The following PADI4 variants were observed in gnomAD, a reference collection of about 807,000 sequenced individuals.
PADI4 encodes peptidyl arginine deiminase 4, also known as protein-arginine deiminase type-4.
PADI4 carries 62 observed loss-of-function variants against 75.0 expected under a neutral mutation model. The ratio of observed to expected loss-of-function variants is 0.83; its 90% CI spans 0.67 to 1.02. PADI4 has a LOEUF of 1.02. PADI4 is among the 50% of genes least tolerant of loss of function. The pLI is 0.00. For missense variants in PADI4, 845 were observed against 850.5 expected (o/e 0.99, Z 0.08); for synonymous variants, 361 against 348.1 (o/e 1.04, Z -0.41).
At position 17,358,913 on chromosome 1, in the gene PADI4, G is replaced by A; in HGVS notation, c.1629+5G>A. 11 of 1,597,378 alleles carry A rather than the reference G, an allele frequency of 6.9e-6. No homozygotes were observed. Among genetic ancestry groups the A allele is most frequent in the Non-Finnish European group, 9.4e-6 (11 of 1,168,554 alleles). ...GAACATAATTCATTTGTGGAGGTAG[G>A]AGCCTGGGTGCCTACACCCCAGCAG... On this transcript the variant is annotated splice_donor_5th_base_variant and intron_variant, in intron 14 of 15. Coordinates refer to ENST00000375448, the MANE Select transcript of PADI4 (RefSeq NM_012387.3).
intron 1 of PADI4, 123 bp from the exon 2 acceptor site, chr1:17,330,846 T>C (rs910172174): frequency 1.6e-6 from 1 of 639,094 alleles, no homozygotes; most frequent in Admixed American, 3.5e-5. Flanking sequence ...ATACTTCGCA[T>C]CTTTCAGTCC....
intron 13 of PADI4, 70 bp from the exon 14 acceptor site, chr1:17,358,768 G>A (rs981956572): frequency 5.2e-5 from 50 of 957,736 alleles, no homozygotes; most frequent in Non-Finnish European, 7.4e-5. Flanking sequence ...GTCCCCCCCC[G>A]GCACTGGCTG....
intron 1 of PADI4, among the ~76,000 whole-genome samples, chr1:17,322,543 A>G (rs976544184): frequency 5.9e-5 from 9 of 152,132 alleles, no homozygotes; most frequent in Non-Finnish European, 1.0e-4. Flanking sequence ...GAAATTCAAC[A>G]GAACTGTTTT....
chr1:17,357,010 T>C (rs2100249697), intron 13 of PADI4, among the ~76,000 whole-genome samples: 1 of 152,148 alleles, frequency 6.6e-6, no homozygotes, highest in Admixed American at 6.5e-5. Context: ...CTGAGTATGT[T>C]GTGTGGCATC....
chr1:17,338,179 G>T (rs79596357), intron 5 of PADI4, 24 bp downstream of exon 5: 3 of 1,472,028 alleles, frequency 2.0e-6, no homozygotes, highest in Admixed American at 1.7e-5. Context: ...GCTAGCTAAC[G>T]GGAAGGGCTT....
rs766375624 is a variant in PADI4, at chr1:17,359,397, T to G, written c.1747T>G (p.Phe583Val). ...LKEFSKAEAF[F>V]PNMVNMLVLG... The stretch of plus-strand genomic sequence containing the variant: ...AGAGTTCTCTAAGGCGGAAGCTTTT[T>G]TCCCCAACATGGTGAGGAGGTGGCG... Residue 583 changes from phenylalanine (F) to valine (V), a missense_variant, in exon 15 of 16, where the codon TTC becomes GTC. Phe to Val is a conservative substitution (Grantham distance 50). Transcript: ENST00000375448. The G allele has an allele frequency of 6.2e-7, 1 of 1,614,062 alleles. No individual in the cohort carries two copies.
Position 17,339,813 on chromosome 1 carries a change from C to G in PADI4, c.652C>G (p.Arg218Gly). Residue 218 changes from arginine (R) to glycine (G), a missense_variant and splice_region_variant, in exon 6 of 16, where the codon CGG becomes GGG. Transcript: ENST00000375448. The part of the protein sequence containing the change: ...MDKVRVFQAT[R>G]GKLSSKCSVV... ...CAAAGTGAGGGTGTTTCAGGCCACA[C>G]GTAAGTCATCCCCATCTTTGTTCCC... 3.1e-6 allele frequency: 5 copies of G among 1,599,528 alleles called. No individual in the cohort carries two copies. The highest frequency in any genetic ancestry group is 4.3e-6 in the Non-Finnish European group (5 of 1,172,588).
At chr1:17,323,979 A>G (rs2074076658) in intron 1 of PADI4, among the ~76,000 whole-genome samples, 1 of 152,102 alleles carries the variant, frequency 6.6e-6, no homozygotes, top group Non-Finnish European at 1.5e-5. Flanking sequence ...TTTATTAGCT[A>G]TTCTTTTGTG....
intron 1 of PADI4, among the ~76,000 whole-genome samples, chr1:17,309,645 G>A (rs1000604070): frequency 2.6e-5 from 4 of 152,190 alleles, no homozygotes; most frequent in Admixed American, 1.3e-4. Flanking sequence ...TCTGGGCATC[G>A]GTGGCCCTAG....
intron 8 of PADI4, 63 bp from the exon 9 acceptor site, chr1:17,345,965 A>G: frequency 4.4e-6 from 5 of 1,124,934 alleles, no homozygotes; most frequent in Non-Finnish European, 6.7e-6. Flanking sequence ...TGTCCCTCCC[A>G]ATCCTTCCAG....
intron 8 of PADI4, among the ~76,000 whole-genome samples, chr1:17,345,573 T>C (rs1175043994): frequency 6.6e-6 from 1 of 152,238 alleles, no homozygotes; most frequent in East Asian, 1.9e-4. Context: ...ATTTGAATCA[T>C]GGTGGCAGTT....
chr1:17,357,249 C>T (rs1041944072), intron 13 of PADI4, among the ~76,000 whole-genome samples: 5 of 152,170 alleles, frequency 3.3e-5, no homozygotes, highest in African/African-American at 1.2e-4. Context: ...CTCTCTGCAG[C>T]CTCTGCATCC....
chr1:17,345,448 T>G (rs2074498115), intron 8 of PADI4, among the ~76,000 whole-genome samples: 1 of 152,104 alleles, frequency 6.6e-6, no homozygotes. Flanking sequence ...GATATAGGAT[T>G]TGGAGGGGCC....
rs762366138 is a variant in PADI4, at chr1:17,336,160, A to C, written c.342A>C (p.Glu114Asp). The change falls in exon 4 of 16, where the codon GAA (glutamate) becomes GAC (aspartate). Residue 114 changes from glutamate to aspartate, a missense_variant and splice_region_variant. Coordinates refer to ENST00000375448, the MANE Select transcript of PADI4 (RefSeq NM_012387.3). Reference protein sequence around the residue: ...VKALLYLTGVEISLCADITRT... With the variant: ...VKALLYLTGVDISLCADITRT... ...TCCTCTTACTTGATGGGATTTCAGAAATCTCCTTGTGCGCAGACATCACCC... is the reference window on the plus strand; with the variant it reads ...TCCTCTTACTTGATGGGATTTCAGACATCTCCTTGTGCGCAGACATCACCC... 1 of 1,611,886 alleles carries C rather than the reference A, an allele frequency of 6.2e-7. No homozygotes were observed. Among genetic ancestry groups the C allele is most frequent in the Non-Finnish European group, 8.5e-7 (1 of 1,177,960 alleles).
Position 17,346,198 on chromosome 1 carries a change from G to T in PADI4, c.1047+59G>T. 8.9e-7 allele frequency: 1 copy of T among 1,125,160 alleles called. No individual in the cohort carries two copies. Among genetic ancestry groups the T allele is most frequent in the East Asian group, 2.4e-5 (1 of 41,990 alleles). The allele number at this position is 1,125,160 out of a possible 1,614,324, so 69.7% of individuals were successfully genotyped here. On this transcript the variant is annotated intron_variant, in intron 9 of 15. Transcript: ENST00000375448. The surrounding 1 kb of genome is among the most constrained non-coding windows in gnomAD (Gnocchi z 4.3). ...CCCTGAGGGCCAAGAGACACTTGGG[G>T]GACCCGGGCTCCTGGGGTTCAGCCT...
chr1:17,329,219 A>G (rs1748040), intron 1 of PADI4, among the ~76,000 whole-genome samples: 97,845 of 150,644 alleles, frequency 0.65, 31,941 homozygotes, highest in Non-Finnish European at 0.67. Flanking sequence ...CTGTGTATAC[A>G]GGAGGCTGAG....
rs2074441735 is a variant in PADI4, at chr1:17,342,507, C to A, written c.935+105C>A. 1.2e-5 allele frequency: 8 copies of A among 684,916 alleles called. 1 individual carries two copies. In the South Asian group the frequency reaches 1.5e-4, roughly 12 times the overall value. 42.4% of individuals were successfully genotyped at this position (684,916 alleles called of 1,614,324 possible). A position where few individuals can be genotyped will look rare whatever the true frequency, so the allele number is the denominator to read the frequency against. ...GAAAAACAGTCACCCCTCCCCTGCCCACTGAGAGCTTGCTGCTTGTTGGGG... is the reference window on the plus strand; with the variant it reads ...GAAAAACAGTCACCCCTCCCCTGCCAACTGAGAGCTTGCTGCTTGTTGGGG... On this transcript the variant is annotated intron_variant, in intron 8 of 15. Coordinates refer to ENST00000375448, the MANE Select transcript of PADI4 (RefSeq NM_012387.3).
intron 4 of PADI4, among the ~76,000 whole-genome samples, chr1:17,336,624 A>C (rs1204300505): frequency 6.6e-6 from 1 of 152,128 alleles, no homozygotes; most frequent in African/African-American, 2.4e-5. Context: ...TGGCAGGGGG[A>C]GAGGCGGGAA....
At chr1:17,362,725 A>C (rs2074863822) in intron 15 of PADI4, among the ~76,000 whole-genome samples, 1 of 152,212 alleles carries the variant, frequency 6.6e-6, no homozygotes, top group Non-Finnish European at 1.5e-5. Flanking sequence ...TGGAACTTGG[A>C]GTCTAATAGC....
Sources: allele counts gnomAD v4.1 joint callset (sites outside exome capture counted in the v4.1 genomes callset), GRCh38; gene constraint gnomAD v4.1.1; non-coding constraint Gnocchi (gnomAD v3.1); transcripts MANE v1.5; gene names NCBI Gene and HGNC (gene_info 2026-07-23, HGNC 2026-07-21).